The following TTC23 variants were observed in gnomAD, a reference collection of about 807,000 sequenced individuals.
The protein encoded by TTC23 is tetratricopeptide repeat protein 23.
In TTC23, 58 loss-of-function variants were observed where a neutral mutation model predicts 55.1. That is an observed-to-expected ratio of 1.05 (90% CI 0.85 to 1.31). The LOEUF is 1.31. Ranked by LOEUF, TTC23 falls within the 50% of genes most tolerant of loss-of-function variation. The pLI, the probability that TTC23 is intolerant of heterozygous loss-of-function variation, is 0.00. For missense variants in TTC23, 516 were observed against 534.4 expected, an observed-to-expected ratio of 0.97 and a Z score of 0.34; for synonymous variants, 203 against 199.9, an observed-to-expected ratio of 1.02 and a Z score of -0.13.
chr15:99,208,250 TTA>T lies in TTC23; in HGVS notation c.582-8156_582-8155del, dbSNP rs1420665573. Among the ~76,000 whole-genome samples, 3 of 151,854 alleles carry T rather than the reference TTA, an allele frequency of 2.0e-5. No homozygotes were observed. In the East Asian group the frequency reaches 5.8e-4, roughly 29 times the overall value. On this transcript the variant is annotated intron_variant, in intron 8 of 13. Transcript: ENST00000394132. Reference sequence around the variant, plus strand: ...ATAAAGTTTTAAAATATGACAAATTTTATATATATATACACACATATATATAT... The same window carrying T: ...ATAAAGTTTTAAAATATGACAAATTTTATATATATACACACATATATATAT...
At chr15:99,190,884 C>A (rs1242867901) in intron 9 of TTC23, among the ~76,000 whole-genome samples, 1 of 152,112 alleles carries the variant, frequency 6.6e-6, no homozygotes, top group Non-Finnish European at 1.5e-5. Flanking sequence ...CAGGCACAAG[C>A]AATCCTCCCA....
At chr15:99,174,761 AC>A (rs2073346939) in intron 10 of TTC23, among the ~76,000 whole-genome samples, 2 of 137,922 alleles carry the variant, frequency 1.5e-5, no homozygotes, top group African/African-American at 5.4e-5. Flanking sequence ...GAGCAGATTT[AC>A]CGTAAGCCCA....
chr15:99,231,106 G>A (rs2078897365), intron 4 of TTC23, among the ~76,000 whole-genome samples: 1 of 152,162 alleles, frequency 6.6e-6, no homozygotes, highest in East Asian at 1.9e-4. Flanking sequence ...CTCATGTGTT[G>A]GTGGTAATGC....
intron 3 of TTC23, among the ~76,000 whole-genome samples, chr15:99,237,270 C>T (rs1447625891): frequency 6.6e-6 from 1 of 152,098 alleles, no homozygotes; most frequent in African/African-American, 2.4e-5. Flanking sequence ...GCATGAGCCA[C>T]CATGCCCAGC....
rs997224269 is a variant in TTC23 at position 99,219,197 on chromosome 15, C to G, written c.305-149G>C. 4.7e-6 allele frequency: 4 copies of G among 854,076 alleles called. No individual in the cohort carries two copies. In the African/African-American group the frequency reaches 6.7e-5, roughly 14 times the overall value. 52.9% of individuals were successfully genotyped at this position (854,076 alleles called of 1,614,324 possible). ...GTATCTGGGCAGCATGAAACACTGC[C>G]ATGACTGTAACAACCAAAGAAGTGT... On this transcript the variant is annotated intron_variant, in intron 6 of 13. Coordinates refer to ENST00000394132, the MANE Select transcript of TTC23 (RefSeq NM_001288615.3).
intron 9 of TTC23, among the ~76,000 whole-genome samples, chr15:99,182,248 T>TCACACACA (rs56223763): frequency 2.7e-4 from 29 of 108,606 alleles, no homozygotes; most frequent in African/African-American, 8.0e-4. Context: ...TCTCTCTCTC[T>TCACACACA]CACACACACA....
chr15:99,225,440 A>C (rs570205478), intron 5 of TTC23, among the ~76,000 whole-genome samples: 2 of 152,316 alleles, frequency 1.3e-5, no homozygotes, highest in South Asian at 4.1e-4. Flanking sequence ...GAGATGATTT[A>C]CCAGCAAGTG....
intron 8 of TTC23, among the ~76,000 whole-genome samples, chr15:99,204,632 GTTTTTTTT>G (rs56890685): frequency 3.3e-5 from 2 of 60,892 alleles, no homozygotes; most frequent in Non-Finnish European, 5.7e-5. Flanking sequence ...TAGATTTAAG[GTTTTTTTT>G]TTTTTTTTTT....
At chr15:99,144,741 A>G (rs1298927713) in intron 12 of TTC23, 2 of 152,218 alleles carry the variant, frequency 1.3e-5, no homozygotes, top group Non-Finnish European at 2.9e-5. Context: ...TATTACTTGT[A>G]TTTTGTACTT....
chr15:99,195,154 C>A (rs2075592661), intron 9 of TTC23, among the ~76,000 whole-genome samples: 1 of 152,128 alleles, frequency 6.6e-6, no homozygotes, highest in Non-Finnish European at 1.5e-5. Flanking sequence ...AAGCCGCAGA[C>A]TGGGAGAAAA....
chr15:99,184,630 C>G (rs2074490432), intron 9 of TTC23, among the ~76,000 whole-genome samples: 1 of 152,250 alleles, frequency 6.6e-6, no homozygotes, highest in East Asian at 1.9e-4. Context: ...TAGGAAGTAA[C>G]TAACTTGCTT....
intron 11 of TTC23, chr15:99,158,061 G>A (rs2070855110): frequency 6.6e-6 from 1 of 152,228 alleles, no homozygotes; most frequent in African/African-American, 2.4e-5. Context: ...ATAGGGCCGG[G>A]GTAGGGGAAC....
rs1232790510 is a variant in TTC23, at chr15:99,136,548, G to C, written c.*1462C>G. 2 of 152,204 alleles carry C rather than the reference G, an allele frequency of 1.3e-5. No individual in the cohort carries two copies. The highest frequency in any genetic ancestry group is 4.8e-5 in the African/African-American group (2 of 41,452). 9.4% of individuals were successfully genotyped at this position (152,204 alleles called of 1,614,324 possible). A position where few individuals can be genotyped will look rare whatever the true frequency, so the allele number is the denominator to read the frequency against. ...ACTGTGTCCTCACATGGTGGAGAGAGAGATCATCTCTCTGGTGTCTCTCCT... is the reference window on the plus strand; with the variant it reads ...ACTGTGTCCTCACATGGTGGAGAGACAGATCATCTCTCTGGTGTCTCTCCT... On this transcript the variant is annotated 3_prime_UTR_variant, in exon 14 of 14. Transcript: ENST00000394132.
At chr15:99,215,684 C>G (rs1465356485) in intron 8 of TTC23, among the ~76,000 whole-genome samples, 1 of 151,950 alleles carries the variant, frequency 6.6e-6, no homozygotes, top group Non-Finnish European at 1.5e-5. Context: ...GAGGTTGAAG[C>G]TGCTGTGAAC....
chr15:99,137,721 G>T lies in TTC23; in HGVS notation c.*289C>A. 1 of 401,738 alleles carries T rather than the reference G, an allele frequency of 2.5e-6. No homozygotes were observed. Among genetic ancestry groups the T allele is most frequent in the Admixed American group, 3.6e-5 (1 of 27,748 alleles). The allele number at this position is 401,738 out of a possible 1,614,324, so 24.9% of individuals were successfully genotyped here. A position where few individuals can be genotyped will look rare whatever the true frequency, so the allele number is the denominator to read the frequency against. Reference sequence around the variant, plus strand: ...ACAGGGCGCACTGAACTGTTGAAGAGAAGTTTTTCAGCCACAGTAGTGCTG... The same window carrying T: ...ACAGGGCGCACTGAACTGTTGAAGATAAGTTTTTCAGCCACAGTAGTGCTG... On this transcript the variant is annotated 3_prime_UTR_variant, in exon 14 of 14. Transcript: ENST00000394132.
At chr15:99,167,293 T>C (rs544119147) in intron 10 of TTC23, among the ~76,000 whole-genome samples, 244 of 152,316 alleles carry the variant, frequency 1.6e-3, no homozygotes, top group African/African-American at 5.6e-3. Flanking sequence ...TTCAGCACTC[T>C]CACACAAGGC....
rs57733522 is a variant in TTC23, at chr15:99,148,360, C to CAAAAAAAAAAAAAA, written c.1143+7774_1143+7787dup. Reference sequence around the variant, plus strand: ...TGGGTGACAGAGTGAGACTCTGTACCAAAAAAAAAAAAAAAAAAAAAAAAA... The same window carrying CAAAAAAAAAAAAAA: ...TGGGTGACAGAGTGAGACTCTGTACCAAAAAAAAAAAAAAAAAAAAAAAAAAAAAAAAAAAAAAA... On this transcript the variant is annotated intron_variant, in intron 12 of 13. Transcript: ENST00000394132. Among the ~76,000 whole-genome samples the CAAAAAAAAAAAAAA allele has an allele frequency of 3.0e-3, 92 of 30,416 alleles. 28 individuals carry two copies. Among genetic ancestry groups the CAAAAAAAAAAAAAA allele is most frequent in the East Asian group, 5.9e-3 (4 of 676 alleles). 20.0% of individuals were successfully genotyped at this position (30,416 alleles called of 152,430 possible). A position where few individuals can be genotyped will look rare whatever the true frequency, so the allele number is the denominator to read the frequency against.
chr15:99,221,414 T>C (rs574548837), intron 6 of TTC23, among the ~76,000 whole-genome samples: 2 of 152,358 alleles, frequency 1.3e-5, no homozygotes, highest in South Asian at 2.1e-4. Flanking sequence ...GATCCCATTC[T>C]GGGCCCCTAT....
chr15:99,212,094 G>C (rs2077082487), intron 8 of TTC23, among the ~76,000 whole-genome samples: 1 of 152,230 alleles, frequency 6.6e-6, no homozygotes, highest in African/African-American at 2.4e-5. Flanking sequence ...TCATTCCTGA[G>C]TTAGTTCAGC....
Sources: gnomAD v4.1 joint callset for allele counts (sites outside exome capture counted in the v4.1 genomes callset) on GRCh38, gnomAD v4.1.1 for gene constraint, MANE v1.5 for transcripts, NCBI Gene and HGNC (gene_info 2026-07-23, HGNC 2026-07-21) for gene names.